FRMD3: variants seen among roughly 807,000 people sequenced by gnomAD.
FRMD3 encodes the protein FERM domain-containing protein 3.
FRMD3 carries 33 observed loss-of-function variants against 70.2 expected under a neutral mutation model. The observed-to-expected ratio is 0.47, with a 90% CI of 0.36 to 0.63. The LOEUF (loss-of-function observed/expected upper bound fraction) is 0.63. FRMD3 is among the 20% of genes least tolerant of loss of function. The probability of loss-of-function intolerance (pLI) is 0.00; values close to 1 mark genes in which losing one functional copy is unlikely to be tolerated. For synonymous variants in FRMD3, 279 were observed against 255.9 expected (o/e 1.09, Z -0.86); for missense variants, 632 against 711.4 (o/e 0.89, Z 1.27).
chr9:83,269,234 G>A (rs1833427783), intron 13 of FRMD3, among the ~76,000 whole-genome samples: 1 of 152,174 alleles, frequency 6.6e-6, no homozygotes, highest in South Asian at 2.1e-4. Context: ...AAATCTTTAT[G>A]TTTATCATCA....
chr9:83,442,995 A>T (rs913205561), intron 1 of FRMD3, among the ~76,000 whole-genome samples: 1 of 152,250 alleles, frequency 6.6e-6, no homozygotes, highest in Non-Finnish European at 1.5e-5. Flanking sequence ...GAATGTCAAC[A>T]TAAAAATACA....
intron 4 of FRMD3, among the ~76,000 whole-genome samples, chr9:83,344,159 T>C (rs1823871523): frequency 6.6e-6 from 1 of 152,274 alleles, no homozygotes; most frequent in Non-Finnish European, 1.5e-5. Context: ...AATTTCCTCA[T>C]CTTCTCAAGG....
At chr9:83,399,122 GAC>G (rs1825882988) in intron 1 of FRMD3, among the ~76,000 whole-genome samples, 1 of 152,196 alleles carries the variant, frequency 6.6e-6, no homozygotes, top group Non-Finnish European at 1.5e-5. Flanking sequence ...AAGGAAGAAA[GAC>G]AAAGAAATAG....
intron 6 of FRMD3, among the ~76,000 whole-genome samples, 187 bp from the exon 7 acceptor site, chr9:83,313,934 T>C (rs570784104): frequency 3.7e-4 from 57 of 152,232 alleles, no homozygotes; most frequent in Non-Finnish European, 6.2e-4. Context: ...CCCGAGCTTG[T>C]GTTCTCTAGT....
chr9:83,312,088 C>T, intron 7 of FRMD3, 113 bp from the exon 8 acceptor site: 1 of 751,300 alleles, frequency 1.3e-6, no homozygotes, highest in South Asian at 1.9e-5. Flanking sequence ...AGACTAATCC[C>T]AATGATTGTA....
chr9:83,493,575 G>A (rs984484566), intron 1 of FRMD3, among the ~76,000 whole-genome samples: 14 of 152,210 alleles, frequency 9.2e-5, no homozygotes, highest in Non-Finnish European at 1.5e-4. Flanking sequence ...TAAAAACATA[G>A]TTAAGCAGTT....
chr9:83,526,308 C>T (rs1218865924), intron 1 of FRMD3, among the ~76,000 whole-genome samples: 1 of 152,144 alleles, frequency 6.6e-6, no homozygotes, highest in Non-Finnish European at 1.5e-5. Flanking sequence ...TGCACAGGAC[C>T]ACACAAGTTA....
At chr9:83,566,387 G>C in the FRMD3 span, among the ~76,000 whole-genome samples, 1 of 152,032 alleles carries the variant, frequency 6.6e-6, no homozygotes, top group South Asian at 2.1e-4. Context: ...GATTTGAGTG[G>C]GGACACAGCC....
chr9:83,473,252 C>T (rs1828314263), intron 1 of FRMD3, among the ~76,000 whole-genome samples: 1 of 152,180 alleles, frequency 6.6e-6, no homozygotes, highest in Non-Finnish European at 1.5e-5. Flanking sequence ...CCCCCTGCCT[C>T]TGTGCACACC....
At chr9:83,484,056 T>C (rs1473309834) in intron 1 of FRMD3, among the ~76,000 whole-genome samples, 1 of 152,142 alleles carries the variant, frequency 6.6e-6, no homozygotes, top group East Asian at 1.9e-4. Flanking sequence ...ATGATAAAAA[T>C]TTCAGAGCTT....
chr9:83,333,022 C>T (rs1823442627), intron 6 of FRMD3, among the ~76,000 whole-genome samples: 1 of 152,332 alleles, frequency 6.6e-6, no homozygotes, highest in South Asian at 2.1e-4. Context: ...GGGGTGGTGG[C>T]ACCCCCAGAG....
the FRMD3 span, among the ~76,000 whole-genome samples, chr9:83,553,984 T>C: frequency 3.9e-5 from 6 of 152,202 alleles, no homozygotes; most frequent in African/African-American, 1.4e-4. Flanking sequence ...TCTCGGCATG[T>C]GGGTGTTCCT....
chr9:83,394,667 C>A (rs1265461449), intron 1 of FRMD3, among the ~76,000 whole-genome samples: 1 of 152,152 alleles, frequency 6.6e-6, no homozygotes. Flanking sequence ...GTAAGTCCCA[C>A]CAAACACAGA....
chr9:83,311,759 G>T, intron 8 of FRMD3, 128 bp downstream of exon 8: 1 of 733,686 alleles, frequency 1.4e-6, no homozygotes, highest in Non-Finnish European at 2.4e-6. Context: ...ATCCCTTTAT[G>T]ATGAAGCTCC....
chr9:83,293,450 C>A (rs1380122987), intron 12 of FRMD3, among the ~76,000 whole-genome samples: 2 of 152,208 alleles, frequency 1.3e-5, no homozygotes, highest in African/African-American at 4.8e-5. Flanking sequence ...GGACTGGCTG[C>A]TGTTCCTATC....
At chr9:83,401,080 C>T (rs1825939331) in intron 1 of FRMD3, among the ~76,000 whole-genome samples, 1 of 152,174 alleles carries the variant, frequency 6.6e-6, no homozygotes, top group Non-Finnish European at 1.5e-5. Flanking sequence ...TTAGAACTTC[C>T]TTAGTGCCTG....
intron 1 of FRMD3, among the ~76,000 whole-genome samples, chr9:83,392,268 C>T (rs1158216685): frequency 6.6e-6 from 1 of 152,164 alleles, no homozygotes; most frequent in Non-Finnish European, 1.5e-5. Context: ...CCATGTCTCA[C>T]TGCTTGGTGC....
chr9:83,476,210 C>T (rs1828392524), intron 1 of FRMD3, among the ~76,000 whole-genome samples: 1 of 152,008 alleles, frequency 6.6e-6, no homozygotes, highest in Admixed American at 6.6e-5. Flanking sequence ...ATGGCAAAAC[C>T]CCGTCCCTAC....
At chr9:83,494,985 T>C (rs11140122) in intron 1 of FRMD3, among the ~76,000 whole-genome samples, 8,461 of 152,252 alleles carry the variant, frequency 0.056, 364 homozygotes, top group East Asian at 0.25. Flanking sequence ...CAATTTTTCT[T>C]AGAAAATATA....
Sources: allele counts gnomAD v4.1 joint callset (sites outside exome capture counted in the v4.1 genomes callset), GRCh38; gene constraint gnomAD v4.1.1; transcripts MANE v1.5; gene names NCBI Gene and HGNC (gene_info 2026-07-23, HGNC 2026-07-21).